The following PCBP2 variants were observed in gnomAD, a reference collection of about 807,000 sequenced individuals.
PCBP2 encodes the protein poly(rC) binding protein 2.
In PCBP2, 4 loss-of-function variants were observed where a neutral mutation model predicts 50.1. The ratio of observed to expected loss-of-function variants is 0.08; its 90% CI spans 0.04 to 0.18. The LOEUF (loss-of-function observed/expected upper bound fraction) is 0.18, where lower values mean the gene tolerates loss of function less well. Among genes scored for constraint, PCBP2 ranks in the 10% least tolerant of loss-of-function variants. The pLI is 1.00. For missense variants in PCBP2, 161 were observed against 474.3 expected (o/e 0.34, Z 6.14); for synonymous variants, 179 against 168.0 (o/e 1.07, Z -0.51).
chr12:53,468,489 A>G, intron 12 of PCBP2: 1 of 431,880 alleles, frequency 2.3e-6, no homozygotes, highest in South Asian at 3.0e-5. Flanking sequence ...CTTTTTGAGG[A>G]TACCACACTC....
At chr12:53,470,412 CT>C (rs796803021) in intron 13 of PCBP2, among the ~76,000 whole-genome samples, 1,395 of 116,910 alleles carry the variant, frequency 0.012, 23 homozygotes, top group African/African-American at 0.038. Flanking sequence ...AGTGTAGTGG[CT>C]TTTTTTTTTG....
intron 14 of PCBP2, 115 bp downstream of exon 14, chr12:53,471,922 A>C: frequency 1.5e-6 from 1 of 673,060 alleles, no homozygotes; most frequent in South Asian, 3.2e-5. Flanking sequence ...GATGGCCAAA[A>C]GGTTTTTTTT....
intron 14 of PCBP2, chr12:53,475,012 A>G (rs770410083): frequency 2.2e-6 from 1 of 455,836 alleles, no homozygotes; most frequent in South Asian, 1.5e-5. Flanking sequence ...GGGACCTCCG[A>G]CGCACCCTCC....
At chr12:53,469,734 GGAAA>G (rs1275801186) in intron 13 of PCBP2, among the ~76,000 whole-genome samples, 2 of 148,098 alleles carry the variant, frequency 1.4e-5, no homozygotes, top group African/African-American at 5.0e-5. Context: ...TTTCAAAAAA[GGAAA>G]GAAATTCCTG....
chr12:53,467,596 T>G, intron 11 of PCBP2: 2 of 621,242 alleles, frequency 3.2e-6, no homozygotes, highest in Non-Finnish European at 5.7e-6. Flanking sequence ...TGCTGCCCCC[T>G]TGATCTGATC....
chr12:53,468,741 G>T, intron 12 of PCBP2, 36 bp from the exon 13 acceptor site: 1 of 1,525,452 alleles, frequency 6.6e-7, no homozygotes, highest in Non-Finnish European at 9.1e-7. Context: ...TTTGAATGCT[G>T]TGCATTGAAT....
Position 53,462,533 on chromosome 12 carries a change from C to A in PCBP2, c.545C>A (p.Pro182Gln). ...KGVTIPYRPK[P>Q]SSSPVIFAGG... ...GTGACCATCCCGTACCGGCCCAAGC[C>A]GTCCAGCTCTCCGGTCATCTTTGCA... Residue 182 changes from proline (P) to glutamine (Q), a missense_variant, in exon 8 of 15, where the codon CCG (proline) becomes CAG (glutamine). Physicochemically the swap from Pro to Gln is moderately conservative, Grantham distance 76 (BLOSUM62 -1). Coordinates refer to ENST00000546463, the MANE Select transcript of PCBP2 (RefSeq NM_031989.5). 1 of 1,613,666 alleles carries A rather than the reference C, an allele frequency of 6.2e-7. No homozygotes were observed.
intron 7 of PCBP2, among the ~76,000 whole-genome samples, chr12:53,462,052 G>A (rs1216994153): frequency 6.6e-6 from 1 of 152,092 alleles, no homozygotes; most frequent in Non-Finnish European, 1.5e-5. Flanking sequence ...AACCTTGATT[G>A]AGCCTTTGAA....
At chr12:53,470,561 T>C (rs1345878405) in intron 13 of PCBP2, among the ~76,000 whole-genome samples, 1 of 151,698 alleles carries the variant, frequency 6.6e-6, no homozygotes, top group African/African-American at 2.4e-5. Context: ...CATGCCACTA[T>C]CCCTGGCTAA....
rs1437226545 is a variant in PCBP2, at chr12:53,471,588, T to G, written c.883-50T>G. 10 of 1,525,648 alleles carry G rather than the reference T, an allele frequency of 6.6e-6. No individual in the cohort carries two copies. The South Asian group carries it at 1.2e-4, about 18-fold the overall frequency. The allele number at this position is 1,525,648 out of a possible 1,614,324, so 94.5% of individuals were successfully genotyped here. ...GGTGGGGGGGTGGGATTCTTAGACC[T>G]AGCCATGCAACTCTAATTCGGTGTG... On this transcript the variant is annotated intron_variant, in intron 13 of 14. Coordinates refer to ENST00000546463, the MANE Select transcript of PCBP2 (RefSeq NM_031989.5).
chr12:53,455,760 G>T, intron 4 of PCBP2, 125 bp from the exon 5 acceptor site: 4 of 742,604 alleles, frequency 5.4e-6, no homozygotes, highest in South Asian at 1.6e-5. Context: ...GTAGTGTTTG[G>T]AATGATGCTG....
At chr12:53,460,807 T>A in intron 6 of PCBP2, 1 of 471,272 alleles carries the variant, frequency 2.1e-6, no homozygotes, top group Non-Finnish European at 3.8e-6. Flanking sequence ...TCACGCTTAT[T>A]CTTGTCTTTC....
chr12:53,471,948 T>G, intron 14 of PCBP2, 141 bp downstream of exon 14: 9 of 517,190 alleles, frequency 1.7e-5, no homozygotes, highest in Non-Finnish European at 2.5e-5. Flanking sequence ...TTGCTAGCTC[T>G]ACTTTCTTAG....
chr12:53,472,384 C>G (rs1942302407), intron 14 of PCBP2, among the ~76,000 whole-genome samples: 1 of 152,286 alleles, frequency 6.6e-6, no homozygotes, highest in East Asian at 1.9e-4. Context: ...CACTCCTCCC[C>G]CAATCTCATC....
intron 6 of PCBP2, 108 bp downstream of exon 6, chr12:53,459,511 A>G (rs1297425987): frequency 1.1e-6 from 1 of 905,314 alleles, no homozygotes; most frequent in Non-Finnish European, 1.7e-6. Flanking sequence ...TATTGAAGTA[A>G]CAGTTCTAGA....
At chr12:53,478,723 T>C (rs1942835776) in intron 14 of PCBP2, among the ~76,000 whole-genome samples, 1 of 152,132 alleles carries the variant, frequency 6.6e-6, no homozygotes, top group African/African-American at 2.4e-5. Context: ...AGAGAATTGC[T>C]TGAGCCAGGG....
intron 14 of PCBP2, among the ~76,000 whole-genome samples, chr12:53,474,317 A>T (rs1942435569): frequency 6.6e-6 from 1 of 152,162 alleles, no homozygotes; most frequent in South Asian, 2.1e-4. Flanking sequence ...TTAGTCAGTG[A>T]CCTACTTTGG....
chr12:53,466,132 A>G (rs1183686920), intron 10 of PCBP2, among the ~76,000 whole-genome samples, 159 bp downstream of exon 10: 1 of 152,202 alleles, frequency 6.6e-6, no homozygotes, highest in African/African-American at 2.4e-5. Flanking sequence ...TAGCCCTTTA[A>G]TCAGGGTAAT....
chr12:53,472,136 T>C lies in PCBP2; in HGVS notation c.1052+329T>C, dbSNP rs187230210. 3.3e-5 allele frequency among the ~76,000 whole-genome samples: 5 copies of C among 152,260 alleles called. No homozygotes were observed. The East Asian group carries it at 9.7e-4, about 29-fold the overall frequency. On this transcript the variant is annotated intron_variant, in intron 14 of 14. Coordinates refer to ENST00000546463, the MANE Select transcript of PCBP2 (RefSeq NM_031989.5). The stretch of plus-strand genomic sequence containing the variant: ...AAATGTGGGTCTCTCTTGTTCTACA[T>C]AGCATATAGACTACTATTTCTTTCA...
Sources: gnomAD v4.1 joint callset for allele counts (sites outside exome capture counted in the v4.1 genomes callset) on GRCh38, gnomAD v4.1.1 for gene constraint, MANE v1.5 for transcripts, NCBI Gene and HGNC (gene_info 2026-07-23, HGNC 2026-07-21) for gene names.